The following GXYLT1 variants were observed in gnomAD, a reference collection of about 807,000 sequenced individuals.
GXYLT1 encodes glucoside xylosyltransferase 1.
Under a neutral mutation model 54.0 loss-of-function variants are expected in GXYLT1, and 29 were observed. That is an observed-to-expected ratio of 0.54 (90% confidence interval 0.40 to 0.73). GXYLT1 has a LOEUF of 0.73. GXYLT1 is among the 30% of genes least tolerant of loss of function. The pLI, the probability that GXYLT1 is intolerant of heterozygous loss-of-function variation, is 0.00. For synonymous variants in GXYLT1, 176 were observed against 204.1 expected, an observed-to-expected ratio of 0.86 and a Z score of 1.17; for missense variants, 490 against 553.4, an observed-to-expected ratio of 0.89 and a Z score of 1.15.
In GXYLT1 at chr12:42,101,873, CAAAATGCACTTTTT is replaced by C. The variant is rs199948652; in HGVS notation, c.865-3854_865-3841del. Among the ~76,000 whole-genome samples, 991 of 152,046 alleles carry C rather than the reference CAAAATGCACTTTTT, an allele frequency of 6.5e-3. 39 individuals are homozygous for C. In the East Asian group the frequency reaches 0.09, roughly 14 times the overall value. On this transcript the variant is annotated intron_variant, in intron 5 of 7. Coordinates refer to ENST00000398675, the MANE Select transcript of GXYLT1 (RefSeq NM_173601.2). The stretch of plus-strand genomic sequence containing the variant: ...AGGCATGAGCCACTGCACCCAGCCT[CAAAATGCACTTTTT>C]AAAAGGTCCAAAGAACACATAGCCA...
intron 2 of GXYLT1, among the ~76,000 whole-genome samples, chr12:42,129,493 A>G (rs543829016): frequency 1.3e-5 from 2 of 152,294 alleles, no homozygotes; most frequent in East Asian, 3.9e-4. Flanking sequence ...CACTTTATCA[A>G]CTGTTACCAA....
intron 1 of GXYLT1, among the ~76,000 whole-genome samples, chr12:42,140,619 T>G (rs2065647146): frequency 6.6e-6 from 1 of 152,198 alleles, no homozygotes; most frequent in African/African-American, 2.4e-5. Flanking sequence ...TTACTTTCTA[T>G]TCTTTAAGTT....
chr12:42,100,204 C>G (rs2065381894), intron 5 of GXYLT1, among the ~76,000 whole-genome samples: 1 of 152,022 alleles, frequency 6.6e-6, no homozygotes, highest in Non-Finnish European at 1.5e-5. Context: ...CGGGGACTAT[C>G]CAGAGTAAAA....
At chr12:42,098,209 ACAG>A (rs1476732815) in intron 5 of GXYLT1, among the ~76,000 whole-genome samples, 176 bp from the exon 6 acceptor site, 1 of 152,182 alleles carries the variant, frequency 6.6e-6, no homozygotes, top group Non-Finnish European at 1.5e-5. Context: ...GTACAGTAAA[ACAG>A]AAGATAACAA....
At chr12:42,111,676 G>A (rs2065457213) in intron 3 of GXYLT1, among the ~76,000 whole-genome samples, 1 of 152,252 alleles carries the variant, frequency 6.6e-6, no homozygotes, top group South Asian at 2.1e-4. Flanking sequence ...GCTCAAGGAG[G>A]CCTGCCTGCC....
intron 4 of GXYLT1, among the ~76,000 whole-genome samples, chr12:42,108,638 C>G (rs1249947839): frequency 6.6e-6 from 1 of 152,026 alleles, no homozygotes; most frequent in Non-Finnish European, 1.5e-5. Flanking sequence ...TAGGATATAA[C>G]TTTTTAGGGC....
At chr12:42,127,944 A>G (rs1395862754) in intron 2 of GXYLT1, among the ~76,000 whole-genome samples, 1 of 152,236 alleles carries the variant, frequency 6.6e-6, no homozygotes, top group East Asian at 1.9e-4. Context: ...GGATATAACT[A>G]AACTATCTGA....
chr12:42,126,901 T>G (rs78972225), intron 2 of GXYLT1, among the ~76,000 whole-genome samples: 5 of 150,670 alleles, frequency 3.3e-5, no homozygotes, highest in African/African-American at 1.2e-4. Flanking sequence ...AAAAAAAAAT[T>G]CAAGATTAGT....
chr12:42,133,962 C>T (rs1255598063), intron 1 of GXYLT1, among the ~76,000 whole-genome samples: 2 of 152,090 alleles, frequency 1.3e-5, no homozygotes, highest in Non-Finnish European at 2.9e-5. Flanking sequence ...TTTAGGAGGC[C>T]GACGTGGGTG....
rs1314857448 is a variant in GXYLT1, at chr12:42,084,895, C to G, written c.*2891G>C. ...AAGTTTGACTGCATTTTAAAGGCAT[C>G]CCACTTTGGTAATACTGTAGCCCAG... On this transcript the variant is annotated 3_prime_UTR_variant, in exon 8 of 8. Transcript: ENST00000398675. 1 of 152,280 alleles carries G rather than the reference C, an allele frequency of 6.6e-6. No individual in the cohort carries two copies. The highest frequency in any genetic ancestry group is 6.5e-5 in the Admixed American group (1 of 15,292). The allele number at this position is 152,280 out of a possible 1,614,324, so 9.4% of individuals were successfully genotyped here.
Position 42,087,285 on chromosome 12 carries a change from C to T in GXYLT1, c.*501G>A, listed in dbSNP as rs1388767126. The T allele has an allele frequency of 6.6e-6, 1 of 152,598 alleles. No individual in the cohort carries two copies. Among genetic ancestry groups the T allele is most frequent in the Non-Finnish European group, 1.5e-5 (1 of 68,370 alleles). The allele number at this position is 152,598 out of a possible 1,614,324, so 9.5% of individuals were successfully genotyped here. Reference sequence around the variant, plus strand: ...AACAGAGATGAAATGTATAAAGGCACACATAGATTGTCAATGGTTACATCA... The same window carrying T: ...AACAGAGATGAAATGTATAAAGGCATACATAGATTGTCAATGGTTACATCA... On this transcript the variant is annotated 3_prime_UTR_variant, in exon 8 of 8. Coordinates refer to ENST00000398675, the MANE Select transcript of GXYLT1 (RefSeq NM_173601.2).
chr12:42,109,919 A>G (rs927880384), intron 3 of GXYLT1, among the ~76,000 whole-genome samples: 3 of 152,214 alleles, frequency 2.0e-5, no homozygotes, highest in Admixed American at 2.0e-4. Flanking sequence ...AAGCATAATG[A>G]AAGTTATCAG....
rs566253490 is a variant in GXYLT1, at chr12:42,101,632, C to T, written c.865-3599G>A. 1.2e-4 allele frequency among the ~76,000 whole-genome samples: 18 copies of T among 151,464 alleles called. No homozygotes were observed. In the East Asian group the frequency reaches 3.1e-3, roughly 26 times the overall value. On this transcript the variant is annotated intron_variant, in intron 5 of 7. Transcript: ENST00000398675. ...TGTCGCCCAGGCTGGAGTGCAGTGG[C>T]GCAATCTTGGCTCACTGCAACCTCC...
rs1264661830 is a variant in GXYLT1, at chr12:42,083,270, A to C, written c.*4516T>G. 2.6e-5 allele frequency: 4 copies of C among 152,204 alleles called. No individual in the cohort carries two copies. Among genetic ancestry groups the C allele is most frequent in the Non-Finnish European group, 5.9e-5 (4 of 68,016 alleles). 9.4% of individuals were successfully genotyped at this position (152,204 alleles called of 1,614,324 possible). On this transcript the variant is annotated 3_prime_UTR_variant, in exon 8 of 8. Transcript: ENST00000398675. ...AACCTAGTTTCATGTTTAATGAATTAAGAAACAACATCAGAACAGTTTAGC... is the reference window on the plus strand; with the variant it reads ...AACCTAGTTTCATGTTTAATGAATTCAGAAACAACATCAGAACAGTTTAGC...
chr12:42,119,615 C>A lies in GXYLT1; in HGVS notation c.315-444G>T, dbSNP rs139061484. Among the ~76,000 whole-genome samples, 434 of 152,026 alleles carry A rather than the reference C, an allele frequency of 2.9e-3. 2 individuals are homozygous for A. The highest frequency in any genetic ancestry group is 9.3e-3 in the African/African-American group (387 of 41,466). On this transcript the variant is annotated intron_variant, in intron 2 of 7. Transcript: ENST00000398675. ...TTCAGTCCAGGAGTTCAAGACCAGC[C>A]TAGGCAACATACCGAGATCCCATCC...
intron 7 of GXYLT1, among the ~76,000 whole-genome samples, chr12:42,089,745 T>C (rs1019883476): frequency 6.6e-6 from 1 of 152,170 alleles, no homozygotes; most frequent in African/African-American, 2.4e-5. Context: ...AAAAATCCTG[T>C]TGAAGGACGA....
At chr12:42,137,761 T>TG (rs1565582459) in intron 1 of GXYLT1, among the ~76,000 whole-genome samples, 1 of 9,666 alleles carries the variant, frequency 1.0e-4, no homozygotes, top group Admixed American at 7.9e-4. Context: ...CATCTCAAAT[T>TG]GAAAAAAAAA....
intron 5 of GXYLT1, 87 bp from the exon 6 acceptor site, chr12:42,098,120 C>A: frequency 1.6e-6 from 2 of 1,241,092 alleles, no homozygotes; most frequent in Non-Finnish European, 2.3e-6. Flanking sequence ...CCCACAGCAA[C>A]CATTACAAAT....
At chr12:42,130,489 A>C (rs1042251456) in intron 1 of GXYLT1, among the ~76,000 whole-genome samples, 1 of 152,180 alleles carries the variant, frequency 6.6e-6, no homozygotes, top group Non-Finnish European at 1.5e-5. Context: ...CAAAGGTATG[A>C]AGAGAAAAGG....
Sources: allele counts gnomAD v4.1 joint callset (sites outside exome capture counted in the v4.1 genomes callset), GRCh38; gene constraint gnomAD v4.1.1; transcripts MANE v1.5; gene names NCBI Gene and HGNC (gene_info 2026-07-23, HGNC 2026-07-21).